RBM27: variants seen among roughly 807,000 people sequenced by gnomAD.
RBM27 encodes RNA binding motif protein 27.
A neutral mutation model predicts 135.3 loss-of-function variants in RBM27; 22 were observed. The observed-to-expected ratio is 0.16, with a 90% CI of 0.12 to 0.23. The LOEUF (loss-of-function observed/expected upper bound fraction) is 0.23. RBM27 is among the 10% of genes least tolerant of loss of function. The probability of loss-of-function intolerance (pLI) is 1.00; values close to 1 mark genes in which losing one functional copy is unlikely to be tolerated. For synonymous variants in RBM27, 481 were observed against 442.4 expected (o/e 1.09, Z -1.10); for missense variants, 1,009 against 1,281.0 (o/e 0.79, Z 3.24).
chr5:146,273,386 G>T (rs1276822913), intron 19 of RBM27, among the ~76,000 whole-genome samples: 3 of 152,206 alleles, frequency 2.0e-5, no homozygotes, highest in African/African-American at 7.2e-5. Context: ...CAAGTCTGCA[G>T]TGTGGCATTC....
chr5:146,230,056 TTTG>T, intron 5 of RBM27, 146 bp downstream of exon 5: 1 of 961,766 alleles, frequency 1.0e-6, no homozygotes, highest in Middle Eastern at 3.3e-4. Context: ...CAATATCCAT[TTTG>T]TTAGAAAACA....
chr5:146,255,376 G>A (rs1335711713), intron 10 of RBM27, among the ~76,000 whole-genome samples: 1 of 152,014 alleles, frequency 6.6e-6, no homozygotes, highest in Non-Finnish European at 1.5e-5. Flanking sequence ...TAGTTTTGTT[G>A]CTAGGCACTG....
chr5:146,279,049 C>T (rs892880914), intron 19 of RBM27, among the ~76,000 whole-genome samples: 5 of 151,862 alleles, frequency 3.3e-5, no homozygotes, highest in Non-Finnish European at 7.4e-5. Flanking sequence ...TCATTTTAAA[C>T]CATATTTAGA....
chr5:146,218,670 A>G (rs1378409839), intron 1 of RBM27, among the ~76,000 whole-genome samples: 2 of 152,220 alleles, frequency 1.3e-5, no homozygotes, highest in Non-Finnish European at 2.9e-5. Context: ...GGAGCCAAAC[A>G]GCAACTTAGG....
chr5:146,262,320 C>T lies in RBM27; in HGVS notation c.2190+514C>T, dbSNP rs563636494. 1.1e-4 allele frequency among the ~76,000 whole-genome samples: 17 copies of T among 152,248 alleles called. No homozygotes were observed. The South Asian group carries it at 1.2e-3, about 11-fold the overall frequency. On this transcript the variant is annotated intron_variant, in intron 13 of 20. Coordinates refer to ENST00000265271, the MANE Select transcript of RBM27 (RefSeq NM_018989.2). Reference sequence around the variant, plus strand: ...TTAGAATCAGTCTTTTTTGTGTCTACCCATTTGCCCTCCTTTTTCCCATGT... The same window carrying T: ...TTAGAATCAGTCTTTTTTGTGTCTATCCATTTGCCCTCCTTTTTCCCATGT...
chr5:146,230,898 G>A lies in RBM27; in HGVS notation c.831G>A (p.Arg277=). 1 of 1,614,138 alleles carries A rather than the reference G, an allele frequency of 6.2e-7. No homozygotes were observed. The highest frequency in any genetic ancestry group is 1.6e-4 in the Middle Eastern group (1 of 6,062). ...TTGGTCGAAACCTACCACCAAAGAG[G>A]CGATGCAGAGATTATGATGGTAAAA... The part of the protein sequence containing the change: ...NSFGRNLPPK[R]RCRDYDERGF... The change falls in exon 6 of 21, where the codon AGG becomes AGA. Residue 277 remains arginine (R), a synonymous_variant. Coordinates refer to ENST00000265271, the MANE Select transcript of RBM27 (RefSeq NM_018989.2).
chr5:146,242,814 T>G (rs1470969572), intron 8 of RBM27, among the ~76,000 whole-genome samples: 1 of 151,858 alleles, frequency 6.6e-6, no homozygotes, highest in Non-Finnish European at 1.5e-5. Flanking sequence ...GCCAGGCTGG[T>G]CCCAAACTCC....
chr5:146,217,464 G>GTTTTTTTTTT (rs545963169), intron 1 of RBM27, among the ~76,000 whole-genome samples: 8 of 70,768 alleles, frequency 1.1e-4, no homozygotes, highest in African/African-American at 4.9e-4. Flanking sequence ...GCTGAAGCCT[G>GTTTTTTTTTT]TTTTTTTTTT....
In RBM27 at chr5:146,287,746, CATAATA is replaced by C. The variant is rs1759640852; in HGVS notation, c.*1719_*1724del. 6.6e-6 allele frequency: 1 copy of C among 152,066 alleles called. No individual in the cohort carries two copies. Among genetic ancestry groups the C allele is most frequent in the Non-Finnish European group, 1.5e-5 (1 of 67,974 alleles). 9.4% of individuals were successfully genotyped at this position (152,066 alleles called of 1,614,324 possible). A position where few individuals can be genotyped will look rare whatever the true frequency, so the allele number is the denominator to read the frequency against. On this transcript the variant is annotated 3_prime_UTR_variant, in exon 21 of 21. Coordinates refer to ENST00000265271, the MANE Select transcript of RBM27 (RefSeq NM_018989.2). ...TTTTTAAGTTCATATAATTTTCTTTCATAATAATGAGGACTTCCTTTTTCTAGGTTA... is the reference window on the plus strand; with the variant it reads ...TTTTTAAGTTCATATAATTTTCTTTCATGAGGACTTCCTTTTTCTAGGTTA...
intron 2 of RBM27, among the ~76,000 whole-genome samples, chr5:146,221,498 A>G (rs901769085): frequency 1.3e-5 from 2 of 152,146 alleles, no homozygotes; most frequent in Admixed American, 6.5e-5. Context: ...CAGTGGTGCA[A>G]TCTCAGCTCA....
In RBM27 at chr5:146,219,121, T is replaced by C. The variant is rs1236978174; in HGVS notation, c.178+18T>C. 1.3e-6 allele frequency: 2 copies of C among 1,496,104 alleles called. No homozygotes were observed. Among genetic ancestry groups the C allele is most frequent in the Non-Finnish European group, 1.8e-6 (2 of 1,082,238 alleles). 92.7% of individuals were successfully genotyped at this position (1,496,104 alleles called of 1,614,324 possible). A position where few individuals can be genotyped will look rare whatever the true frequency, so the allele number is the denominator to read the frequency against. On this transcript the variant is annotated intron_variant, in intron 2 of 20. Coordinates refer to ENST00000265271, the MANE Select transcript of RBM27 (RefSeq NM_018989.2). ...ACAAAAAGGTAATTATTATGGGCCT[T>C]CAATCGAGTATTGAAGTAAAGATTT...
intron 19 of RBM27, among the ~76,000 whole-genome samples, chr5:146,281,175 AT>A (rs369042701): frequency 1.3e-5 from 2 of 151,612 alleles, no homozygotes; most frequent in African/African-American, 4.9e-5. Flanking sequence ...ATTTTTCTCA[AT>A]TTTTTTTGTT....
chr5:146,240,125 A>G (rs560177994), intron 8 of RBM27, among the ~76,000 whole-genome samples: 4 of 152,042 alleles, frequency 2.6e-5, no homozygotes, highest in African/African-American at 7.2e-5. Flanking sequence ...ATCTTTGTCC[A>G]CTATTCCTCA....
chr5:146,205,177 C>T (rs1244621011), intron 1 of RBM27, among the ~76,000 whole-genome samples: 3 of 152,198 alleles, frequency 2.0e-5, no homozygotes, highest in African/African-American at 7.2e-5. Context: ...GGATTACAGG[C>T]GTGCGCCACT....
chr5:146,218,942 A>G (rs1315141964), intron 1 of RBM27, 43 bp from the exon 2 acceptor site: 1 of 1,300,980 alleles, frequency 7.7e-7, no homozygotes, highest in Non-Finnish European at 1.1e-6. Context: ...CTGTTTGATA[A>G]AAAGTGTTTT....
At chr5:146,259,170 G>A (rs371992667) in intron 11 of RBM27, among the ~76,000 whole-genome samples, 3 of 151,480 alleles carry the variant, frequency 2.0e-5, no homozygotes, top group Non-Finnish European at 4.4e-5. Flanking sequence ...TGAAATCAAC[G>A]GTGAAAAAAA....
At chr5:146,243,614 T>C (rs891687618) in intron 8 of RBM27, among the ~76,000 whole-genome samples, 1 of 152,202 alleles carries the variant, frequency 6.6e-6, no homozygotes, top group African/African-American at 2.4e-5. Flanking sequence ...AATTGGTAAT[T>C]TCAAAAAGAT....
chr5:146,265,682 C>T (rs936487829), intron 14 of RBM27, among the ~76,000 whole-genome samples: 2 of 151,920 alleles, frequency 1.3e-5, no homozygotes, highest in East Asian at 3.9e-4. Context: ...TGTGATATAC[C>T]CTGAGGACAA....
intron 9 of RBM27, 132 bp downstream of exon 9, chr5:146,252,007 C>A: frequency 9.7e-7 from 1 of 1,031,184 alleles, no homozygotes; most frequent in Non-Finnish European, 1.4e-6. Flanking sequence ...GTTTTATTTT[C>A]TGCTCCTTTG....
Sources: gnomAD v4.1 joint callset for allele counts (sites outside exome capture counted in the v4.1 genomes callset) on GRCh38, gnomAD v4.1.1 for gene constraint, MANE v1.5 for transcripts, NCBI Gene and HGNC (gene_info 2026-07-23, HGNC 2026-07-21) for gene names.